CNDP2: variants seen among roughly 807,000 people sequenced by gnomAD.
The protein encoded by CNDP2 is carnosine dipeptidase 2.
A neutral mutation model predicts 55.0 loss-of-function variants in CNDP2; 38 were observed. That is an observed-to-expected ratio of 0.69 (90% confidence interval 0.53 to 0.90). The LOEUF (loss-of-function observed/expected upper bound fraction) is 0.90. CNDP2 is among the 40% of genes least tolerant of loss of function. The probability of loss-of-function intolerance (pLI) is 0.00; values close to 1 mark genes in which losing one functional copy is unlikely to be tolerated. For synonymous variants in CNDP2, 241 were observed against 260.2 expected (o/e 0.93, Z 0.71); for missense variants, 607 against 621.7 (o/e 0.98, Z 0.25).
intron 8 of CNDP2, among the ~76,000 whole-genome samples, chr18:74,515,428 G>A (rs576979986): frequency 2.3e-4 from 35 of 152,070 alleles, no homozygotes; most frequent in Non-Finnish European, 4.9e-4. Flanking sequence ...AGGTGGGTCT[G>A]TTTCTCCTGC....
intron 2 of CNDP2, chr18:74,501,038 C>G (rs1978662812): frequency 2.1e-6 from 1 of 484,258 alleles, no homozygotes; most frequent in African/African-American, 2.1e-5. Flanking sequence ...GGTTTTGGGC[C>G]TGGCGCCGGG....
At chr18:74,504,375 G>A (rs11660492) in intron 3 of CNDP2, among the ~76,000 whole-genome samples, 63,521 of 151,260 alleles carry the variant, frequency 0.42, 13,576 homozygotes, top group East Asian at 0.68. Context: ...AATGAGGGGC[G>A]TCAGGCCACA....
At chr18:74,501,633 G>A (rs1370855404) in intron 3 of CNDP2, among the ~76,000 whole-genome samples, 161 bp downstream of exon 3, 1 of 152,130 alleles carries the variant, frequency 6.6e-6, no homozygotes. Context: ...TTCTGTACGT[G>A]ACTGCTTCAG....
At chr18:74,518,359 A>G in intron 9 of CNDP2, 140 bp from the exon 10 acceptor site, 1 of 792,612 alleles carries the variant, frequency 1.3e-6, no homozygotes. Flanking sequence ...TCGTAGACTC[A>G]GCATAGACCC....
chr18:74,505,937 G>A lies in CNDP2; in HGVS notation c.293G>A (p.Gly98Glu), dbSNP rs1344742631. 1.9e-6 allele frequency: 3 copies of A among 1,612,304 alleles called. No homozygotes were observed. In the African/African-American group the frequency reaches 4.0e-5, roughly 22 times the overall value. Residue 98 changes from glycine (G) to glutamate (E), a missense_variant, in exon 4 of 12, where the codon GGG becomes GAG. Physicochemically the swap from Gly to Glu is moderately conservative, Grantham distance 98 (BLOSUM62 -2). Coordinates refer to ENST00000324262, the MANE Select transcript of CNDP2 (RefSeq NM_018235.3). Reference protein sequence around the residue: ...DPQKKTVCIYGHLDVQPAALE... With the variant: ...DPQKKTVCIYEHLDVQPAALE... The stretch of plus-strand genomic sequence containing the variant: ...CAGAAGAAGACCGTGTGCATTTACG[G>A]GCACCTGGATGTGCAGCCTGCAGCC...
intron 4 of CNDP2, among the ~76,000 whole-genome samples, chr18:74,506,694 C>T (rs1262916409): frequency 1.3e-5 from 2 of 152,252 alleles, no homozygotes; most frequent in African/African-American, 4.8e-5. Flanking sequence ...TGGCCTCCTT[C>T]ACCCTGGCTG....
intron 1 of CNDP2, among the ~76,000 whole-genome samples, chr18:74,496,940 T>C (rs933628046): frequency 6.6e-6 from 1 of 152,088 alleles, no homozygotes; most frequent in African/African-American, 2.4e-5. Context: ...CTGGACAGCG[T>C]CCCTAGCTCC....
intron 8 of CNDP2, chr18:74,513,931 C>T (rs1979500189): frequency 1.9e-6 from 1 of 514,486 alleles, no homozygotes; most frequent in Non-Finnish European, 3.4e-6. Context: ...TCCATCAGAC[C>T]TGGAGAAGCA....
chr18:74,508,448 C>G, intron 4 of CNDP2: 1 of 175,286 alleles, frequency 5.7e-6, no homozygotes, highest in South Asian at 1.7e-4. Flanking sequence ...CCTTGAGGTT[C>G]CTAAGTGACT....
At chr18:74,496,540 G>T (rs1978424203) in intron 1 of CNDP2, 109 bp downstream of exon 1, 1 of 152,376 alleles carries the variant, frequency 6.6e-6, no homozygotes, top group Admixed American at 6.5e-5. Context: ...ATTCGTGGGG[G>T]AGCGTGGGGC....
intron 4 of CNDP2, chr18:74,507,366 C>T (rs3794957): frequency 0.43 from 66,158 of 152,562 alleles, 14,673 homozygotes; most frequent in East Asian, 0.68. Flanking sequence ...GCCCTTCCCA[C>T]GTTGAAAGCT....
chr18:74,518,432 G>T (rs1425493166), intron 9 of CNDP2, 67 bp from the exon 10 acceptor site: 1 of 1,593,294 alleles, frequency 6.3e-7, no homozygotes. Flanking sequence ...AGACCCGTAG[G>T]TCACTAGCAC....
chr18:74,518,870 T>C, intron 10 of CNDP2, 79 bp from the exon 11 acceptor site: 1 of 1,578,436 alleles, frequency 6.3e-7, no homozygotes, highest in Non-Finnish European at 8.7e-7. Context: ...GACTGAGTGC[T>C]ACTGAGTAGT....
chr18:74,506,666 T>C (rs559090806), intron 4 of CNDP2, among the ~76,000 whole-genome samples: 1 of 152,312 alleles, frequency 6.6e-6, no homozygotes, highest in African/African-American at 2.4e-5. Context: ...CAACAGCTGC[T>C]TCTGCGGTAT....
intron 8 of CNDP2, among the ~76,000 whole-genome samples, chr18:74,515,742 G>A (rs2144609511): frequency 6.6e-6 from 1 of 152,256 alleles, no homozygotes. Flanking sequence ...TATTCAGGGG[G>A]CCATACCGGA....
At chr18:74,518,671 G>T (rs200956877) in intron 10 of CNDP2, 31 bp downstream of exon 10, 18 of 1,613,164 alleles carry the variant, frequency 1.1e-5, no homozygotes, top group South Asian at 2.2e-5. Context: ...ATGATGCCGC[G>T]CAGGGCCCTT....
At chr18:74,508,689 A>C in intron 4 of CNDP2, 151 bp from the exon 5 acceptor site, 1 of 615,160 alleles carries the variant, frequency 1.6e-6, no homozygotes, top group Non-Finnish European at 2.9e-6. Context: ...ATTTAACGAT[A>C]GTGTTGGGTG....
rs1979997413 is a variant in CNDP2, at chr18:74,520,652, T to A, written c.*584T>A. 6.5e-6 allele frequency: 1 copy of A among 153,180 alleles called. No homozygotes were observed. The highest frequency in any genetic ancestry group is 1.5e-5 in the Non-Finnish European group (1 of 68,866). 9.5% of individuals were successfully genotyped at this position (153,180 alleles called of 1,614,324 possible). On this transcript the variant is annotated 3_prime_UTR_variant, in exon 12 of 12. Transcript: ENST00000324262. ...GCCTGGGCAATGTAGCAAGATCCTG[T>A]CTCTACAAGAAATTTTTTAAAAATG...
In CNDP2 at chr18:74,519,114, G is replaced by T. The variant is rs747179453; in HGVS notation, c.1358+18G>T. On this transcript the variant is annotated intron_variant, in intron 11 of 11. Transcript: ENST00000324262. ...CTCAACAGGTGAGAGTCCAGGGTGC[G>T]GCCCAGGTTGGCGTCTCCTGCACAG... 1.3e-6 allele frequency: 2 copies of T among 1,589,870 alleles called. No individual in the cohort carries two copies. The highest frequency in any genetic ancestry group is 2.2e-5 in the South Asian group (2 of 88,962).
Sources: allele counts gnomAD v4.1 joint callset (sites outside exome capture counted in the v4.1 genomes callset), GRCh38; gene constraint gnomAD v4.1.1; transcripts MANE v1.5; gene names NCBI Gene and HGNC (gene_info 2026-07-23, HGNC 2026-07-21).